The following NDFIP2 variants were observed in gnomAD, a reference collection of about 807,000 sequenced individuals.
NDFIP2 encodes NEDD4 family-interacting protein 2.
Under a neutral mutation model 36.0 loss-of-function variants are expected in NDFIP2, and 19 were observed. That is an observed-to-expected ratio of 0.53 (90% CI 0.37 to 0.77). The LOEUF is 0.77. Among genes scored for constraint, NDFIP2 ranks in the 30% least tolerant of loss-of-function variants. The pLI, the probability that NDFIP2 is intolerant of heterozygous loss-of-function variation, is 0.00. For missense variants in NDFIP2, 446 were observed against 435.8 expected (o/e 1.02, Z -0.21); for synonymous variants, 181 against 167.7 (o/e 1.08, Z -0.61).
At chr13:79,495,459 T>G (rs1169989196) in intron 1 of NDFIP2, among the ~76,000 whole-genome samples, 1 of 151,942 alleles carries the variant, frequency 6.6e-6, no homozygotes, top group Non-Finnish European at 1.5e-5. Flanking sequence ...AGCCTTCTTA[T>G]TTTATATTTA....
At chr13:79,548,295 A>AATTC in intron 5 of NDFIP2, 33 bp from the exon 6 acceptor site, 1 of 1,397,504 alleles carries the variant, frequency 7.2e-7, no homozygotes, top group East Asian at 2.3e-5. Context: ...CAGGTGTATG[A>AATTC]ATTCGGTTAA....
rs777585169 is a variant in NDFIP2, at chr13:79,543,649, C to T, written c.807C>T (p.Gly269=). ...GGTATGGTGCTATCTGCGGATTTGG[C>T]CTTTCCTTGATCAAATGGATCCTTA... The part of the protein sequence containing the change: ...AGRYGAICGF[G]LSLIKWILIV... The change falls in exon 5 of 8, where the codon GGC becomes GGT. Residue 269 remains glycine (G), a synonymous_variant. Transcript: ENST00000218652. 9.9e-5 allele frequency: 160 copies of T among 1,613,658 alleles called. No individual in the cohort carries two copies. Among genetic ancestry groups the T allele is most frequent in the Non-Finnish European group, 1.3e-4 (155 of 1,179,832 alleles).
At chr13:79,515,936 T>TTG (rs1874300433) in intron 1 of NDFIP2, among the ~76,000 whole-genome samples, 1 of 123,998 alleles carries the variant, frequency 8.1e-6, no homozygotes, top group East Asian at 2.4e-4. Context: ...TTTTTTTTTT[T>TTG]GGGTGGGGGG....
intron 1 of NDFIP2, among the ~76,000 whole-genome samples, chr13:79,498,470 C>G (rs1192675470): frequency 6.6e-6 from 1 of 151,938 alleles, no homozygotes; most frequent in Non-Finnish European, 1.5e-5. Flanking sequence ...CTGTCCTAGT[C>G]TGATTTTGTG....
chr13:79,493,344 T>C (rs1873316867), intron 1 of NDFIP2, among the ~76,000 whole-genome samples: 2 of 152,236 alleles, frequency 1.3e-5, no homozygotes, highest in Non-Finnish European at 2.9e-5. Flanking sequence ...ACTGTTGATA[T>C]TCTTGATGTT....
chr13:79,549,134 C>G (rs1048283778), intron 6 of NDFIP2, among the ~76,000 whole-genome samples: 1 of 151,920 alleles, frequency 6.6e-6, no homozygotes, highest in Admixed American at 6.6e-5. Flanking sequence ...GCAGTCTTCT[C>G]TCTGAGTTTT....
chr13:79,542,800 C>T (rs1356237685), intron 4 of NDFIP2, among the ~76,000 whole-genome samples: 2 of 151,970 alleles, frequency 1.3e-5, no homozygotes, highest in East Asian at 1.9e-4. Flanking sequence ...AAAGGAACAT[C>T]TAAGAATTGT....
At chr13:79,503,695 C>T (rs1452346928) in intron 1 of NDFIP2, among the ~76,000 whole-genome samples, 2 of 152,166 alleles carry the variant, frequency 1.3e-5, no homozygotes, top group Non-Finnish European at 2.9e-5. Flanking sequence ...TGTTTTGTGG[C>T]TGAGGTGTTA....
At chr13:79,493,064 T>A (rs1873305683) in intron 1 of NDFIP2, among the ~76,000 whole-genome samples, 1 of 152,154 alleles carries the variant, frequency 6.6e-6, no homozygotes, top group Admixed American at 6.6e-5. Context: ...GTTATAGCCC[T>A]TATTTCATGG....
At chr13:79,533,505 A>T in intron 3 of NDFIP2, 49 bp downstream of exon 3, 1 of 1,505,044 alleles carries the variant, frequency 6.6e-7, no homozygotes, top group Non-Finnish European at 8.9e-7. Flanking sequence ...TCGTTAATTG[A>T]TATATACATT....
At chr13:79,483,500 A>T (rs1013014918) in intron 1 of NDFIP2, among the ~76,000 whole-genome samples, 9 of 152,184 alleles carry the variant, frequency 5.9e-5, no homozygotes, top group African/African-American at 2.2e-4. Flanking sequence ...CCTTTAGCTC[A>T]GTTTTTGGGA....
At chr13:79,546,849 G>A (rs1338030345) in intron 5 of NDFIP2, among the ~76,000 whole-genome samples, 2 of 151,944 alleles carry the variant, frequency 1.3e-5, no homozygotes, top group Non-Finnish European at 2.9e-5. Flanking sequence ...CAGCCTTTAA[G>A]ACCTATATGA....
chr13:79,513,917 C>T (rs1488751961), intron 1 of NDFIP2, among the ~76,000 whole-genome samples: 1 of 152,092 alleles, frequency 6.6e-6, no homozygotes, highest in Non-Finnish European at 1.5e-5. Flanking sequence ...AAGCATATCT[C>T]TTTTAATTAA....
intron 2 of NDFIP2, among the ~76,000 whole-genome samples, chr13:79,532,486 T>C (rs1156845641): frequency 1.3e-5 from 2 of 152,194 alleles, no homozygotes; most frequent in African/African-American, 2.4e-5. Context: ...CTTTACTTTA[T>C]TACTTATGTT....
chr13:79,518,814 C>CT (rs1874451335), intron 1 of NDFIP2, among the ~76,000 whole-genome samples: 1 of 151,932 alleles, frequency 6.6e-6, no homozygotes, highest in Non-Finnish European at 1.5e-5. Context: ...TTCTTTCTTT[C>CT]TTTTTTCTTT....
chr13:79,486,164 T>A (rs1320245306), intron 1 of NDFIP2, among the ~76,000 whole-genome samples: 2 of 152,114 alleles, frequency 1.3e-5, no homozygotes, highest in African/African-American at 4.8e-5. Flanking sequence ...CCAAAAAAAA[T>A]CTGAAATCCA....
chr13:79,505,040 A>G (rs143325707), intron 1 of NDFIP2, among the ~76,000 whole-genome samples: 316 of 152,288 alleles, frequency 2.1e-3, no homozygotes, highest in African/African-American at 7.1e-3. Flanking sequence ...CTTTCTTGCC[A>G]TAGAGCATTC....
At chr13:79,507,799 A>G (rs1415848634) in intron 1 of NDFIP2, among the ~76,000 whole-genome samples, 1 of 152,004 alleles carries the variant, frequency 6.6e-6, no homozygotes, top group Non-Finnish European at 1.5e-5. Flanking sequence ...ATAGATGTTA[A>G]CATCTTGCTG....
At chr13:79,485,106 T>A (rs1872913602) in intron 1 of NDFIP2, among the ~76,000 whole-genome samples, 1 of 152,180 alleles carries the variant, frequency 6.6e-6, no homozygotes, top group South Asian at 2.1e-4. Context: ...TAGGTTTTCC[T>A]AGCTACCAAA....
Sources: allele counts gnomAD v4.1 joint callset (sites outside exome capture counted in the v4.1 genomes callset), GRCh38; gene constraint gnomAD v4.1.1; transcripts MANE v1.5; gene names NCBI Gene and HGNC (gene_info 2026-07-23, HGNC 2026-07-21).